KCNIP4: variants seen among roughly 807,000 people sequenced by gnomAD.
KCNIP4 encodes the protein potassium voltage-gated channel interacting protein 4.
Under a neutral mutation model 34.0 loss-of-function variants are expected in KCNIP4, and 12 were observed. The ratio of observed to expected loss-of-function variants is 0.35; its 90% CI spans 0.23 to 0.57. The LOEUF (loss-of-function observed/expected upper bound fraction) is 0.57, where lower values mean the gene tolerates loss of function less well. Among genes scored for constraint, KCNIP4 ranks in the 20% least tolerant of loss-of-function variants. The pLI is 0.83. For missense variants in KCNIP4, 238 were observed against 311.7 expected (o/e 0.76, Z 1.78); for synonymous variants, 124 against 102.2 (o/e 1.21, Z -1.29).
intron 3 of KCNIP4, among the ~76,000 whole-genome samples, chr4:20,803,727 GA>G (rs1714701244): frequency 1.1e-5 from 1 of 91,442 alleles, no homozygotes; most frequent in African/African-American, 3.9e-5. Flanking sequence ...GAGAGAGAGA[GA>G]GGAAGGAAGG....
chr4:21,058,192 T>C (rs975570337), intron 1 of KCNIP4, among the ~76,000 whole-genome samples: 3 of 152,096 alleles, frequency 2.0e-5, no homozygotes, highest in Non-Finnish European at 4.4e-5. Context: ...TGAGGAAAGA[T>C]GCAAACTTTT....
intron 1 of KCNIP4, among the ~76,000 whole-genome samples, chr4:21,419,711 G>GT (rs1225505681): frequency 1.3e-5 from 2 of 151,912 alleles, no homozygotes; most frequent in Non-Finnish European, 2.9e-5. Flanking sequence ...AAAATATTGA[G>GT]TTTTTTTAGG....
chr4:21,032,022 C>T (rs73805267), intron 1 of KCNIP4, among the ~76,000 whole-genome samples: 3,664 of 152,246 alleles, frequency 0.024, 136 homozygotes, highest in African/African-American at 0.081. Flanking sequence ...AGCCACTAGA[C>T]GTGCTCAATG....
At chr4:20,844,086 T>C (rs1720082542) in intron 3 of KCNIP4, among the ~76,000 whole-genome samples, 1 of 152,228 alleles carries the variant, frequency 6.6e-6, no homozygotes, top group South Asian at 2.1e-4. Context: ...TCTACATGGA[T>C]ATTAATATCC....
At chr4:21,232,338 T>C (rs941645066) in intron 1 of KCNIP4, among the ~76,000 whole-genome samples, 6 of 152,154 alleles carry the variant, frequency 3.9e-5, no homozygotes, top group African/African-American at 1.4e-4. Flanking sequence ...TTAATCTACC[T>C]ATAAAATAGT....
At chr4:21,528,675 C>CAAAGAAAGAAAG (rs1210670568) in intron 1 of KCNIP4, among the ~76,000 whole-genome samples, 1 of 84,178 alleles carries the variant, frequency 1.2e-5, no homozygotes, top group African/African-American at 5.0e-5. Context: ...TCATAAAAAA[C>CAAAGAAAGAAAG]AAAGAAAGAA....
At chr4:20,982,960 T>C (rs978161012) in intron 1 of KCNIP4, among the ~76,000 whole-genome samples, 5 of 152,178 alleles carry the variant, frequency 3.3e-5, no homozygotes, top group Non-Finnish European at 5.9e-5. Flanking sequence ...AAAGAGGAGA[T>C]TGCATGTAGA....
At chr4:21,268,876 A>T (rs1300438440) in intron 1 of KCNIP4, among the ~76,000 whole-genome samples, 1 of 152,254 alleles carries the variant, frequency 6.6e-6, no homozygotes, top group Non-Finnish European at 1.5e-5. Flanking sequence ...AAGAATGAGG[A>T]TGTTTGACCT....
intron 1 of KCNIP4, among the ~76,000 whole-genome samples, chr4:21,111,979 A>G (rs917152769): frequency 6.8e-6 from 1 of 147,136 alleles, no homozygotes; most frequent in Admixed American, 6.7e-5. Context: ...GTTTACTTGC[A>G]TAAAAATAAC....
chr4:21,429,251 T>C (rs1347304028), intron 1 of KCNIP4, among the ~76,000 whole-genome samples: 1 of 150,546 alleles, frequency 6.6e-6, no homozygotes, highest in Non-Finnish European at 1.5e-5. Flanking sequence ...ACACAGTCTT[T>C]TCAGAGTAGC....
intron 1 of KCNIP4, among the ~76,000 whole-genome samples, chr4:21,308,669 A>T (rs1161936203): frequency 6.6e-6 from 1 of 152,004 alleles, no homozygotes; most frequent in Admixed American, 6.6e-5. Context: ...CCCTTTCTGC[A>T]TTAATGTTAG....
intron 1 of KCNIP4, among the ~76,000 whole-genome samples, chr4:21,276,052 G>T (rs1762416690): frequency 6.6e-6 from 1 of 152,190 alleles, no homozygotes; most frequent in South Asian, 2.1e-4. Flanking sequence ...CATGTGGCCT[G>T]CAGGCAGCAG....
intron 1 of KCNIP4, among the ~76,000 whole-genome samples, chr4:21,667,358 C>A (rs1041006438): frequency 1.3e-5 from 2 of 152,194 alleles, no homozygotes; most frequent in African/African-American, 4.8e-5. Flanking sequence ...TACTGAAAAT[C>A]TCTCACATGC....
intron 1 of KCNIP4, among the ~76,000 whole-genome samples, chr4:21,166,678 C>T (rs1354591890): frequency 6.6e-6 from 1 of 151,856 alleles, no homozygotes; most frequent in Admixed American, 6.6e-5. Flanking sequence ...GTGGCTCACG[C>T]CTGTAAACCC....
rs1475100278 is a variant in KCNIP4, at chr4:20,931,941, AAT to A, written c.62-49234_62-49233del. Among the ~76,000 whole-genome samples, 17 of 137,214 alleles carry A rather than the reference AAT, an allele frequency of 1.2e-4. 1 individual carries two copies. The highest frequency in any genetic ancestry group is 3.1e-5 in the Non-Finnish European group (2 of 63,704). 90.0% of individuals were successfully genotyped at this position (137,214 alleles called of 152,430 possible). On this transcript the variant is annotated intron_variant, in intron 1 of 8. Transcript: ENST00000382152. ...ATAACAGTCTAATATTGTAGACTAT[AAT>A]AGTCTATAACAGTCTAATATTGTAG...
chr4:21,059,336 C>A (rs991805431), intron 1 of KCNIP4, among the ~76,000 whole-genome samples: 1 of 152,108 alleles, frequency 6.6e-6, no homozygotes, highest in African/African-American at 2.4e-5. Flanking sequence ...TTCTGGAGAA[C>A]CCAATCTGGT....
chr4:20,841,738 A>G (rs541199445), intron 3 of KCNIP4, among the ~76,000 whole-genome samples: 1 of 116,338 alleles, frequency 8.6e-6, no homozygotes, highest in Non-Finnish European at 1.9e-5. Context: ...GTAGCCCTCC[A>G]GGGCCATCTT....
At chr4:20,928,716 C>T (rs912243620) in intron 1 of KCNIP4, among the ~76,000 whole-genome samples, 2 of 151,784 alleles carry the variant, frequency 1.3e-5, no homozygotes, top group Non-Finnish European at 2.9e-5. Context: ...AAACTCCTAA[C>T]TACCTAAGGA....
chr4:21,429,859 T>C (rs1267026390), intron 1 of KCNIP4, among the ~76,000 whole-genome samples: 2 of 152,216 alleles, frequency 1.3e-5, no homozygotes, highest in East Asian at 1.9e-4. Context: ...TCCTAACTTT[T>C]CTTTCAATAC....
Sources: allele counts gnomAD v4.1 joint callset (sites outside exome capture counted in the v4.1 genomes callset), GRCh38; gene constraint gnomAD v4.1.1; transcripts MANE v1.5; gene names NCBI Gene and HGNC (gene_info 2026-07-23, HGNC 2026-07-21).